Variants in CAST observed in about 807,000 individuals in gnomAD.
CAST encodes calpastatin.
CAST carries 76 observed loss-of-function variants against 119.6 expected under a neutral mutation model. The observed-to-expected ratio is 0.64, with a 90% confidence interval of 0.53 to 0.77. The LOEUF (loss-of-function observed/expected upper bound fraction) is 0.77. Ranked by LOEUF, CAST falls within the 30% of genes least tolerant of loss-of-function variation. The probability of loss-of-function intolerance (pLI) is 0.00; values close to 1 mark genes in which losing one functional copy is unlikely to be tolerated. For missense variants in CAST, 953 were observed against 946.5 expected, an observed-to-expected ratio of 1.01 and a Z score of -0.09; for synonymous variants, 319 against 331.6, an observed-to-expected ratio of 0.96 and a Z score of 0.41.
At chr5:96,007,014 G>A in the CAST span, among the ~76,000 whole-genome samples, 1 of 152,008 alleles carries the variant, frequency 6.6e-6, no homozygotes, top group African/African-American at 2.4e-5. Flanking sequence ...TTCATTTTTG[G>A]TATCACCCAT....
the CAST span, among the ~76,000 whole-genome samples, chr5:96,382,924 C>T: frequency 3.9e-5 from 6 of 152,270 alleles, no homozygotes; most frequent in African/African-American, 1.4e-4. Context: ...ATTTCCAAAG[C>T]ACATCATGGA....
chr5:96,745,654 T>C (rs1014800342), intron 16 of CAST, among the ~76,000 whole-genome samples: 1 of 152,240 alleles, frequency 6.6e-6, no homozygotes. Context: ...ATTGCAAGTG[T>C]TGTGTCCTAG....
intron 1 of CAST, among the ~76,000 whole-genome samples, chr5:96,534,728 AG>A (rs1745755355): frequency 5.9e-5 from 1 of 16,878 alleles, no homozygotes; most frequent in African/African-American, 1.9e-4. Flanking sequence ...AGAGAGAGAG[AG>A]AGAGAGAGAG....
chr5:96,225,895 ATTC>A, the CAST span, among the ~76,000 whole-genome samples: 2 of 152,016 alleles, frequency 1.3e-5, no homozygotes, highest in Admixed American at 6.5e-5. Context: ...CCGCCTCACC[ATTC>A]TTCTTCTCCT....
intron 1 of CAST, among the ~76,000 whole-genome samples, chr5:96,566,721 C>T (rs941057208): frequency 1.3e-5 from 2 of 152,134 alleles, no homozygotes; most frequent in Non-Finnish European, 2.9e-5. Flanking sequence ...TGCACACAAA[C>T]TACACATGAC....
the CAST span, among the ~76,000 whole-genome samples, chr5:96,458,440 G>A: frequency 2.7e-3 from 405 of 152,288 alleles, 2 homozygotes; most frequent in Admixed American, 5.0e-3. Flanking sequence ...TAAAATTTAA[G>A]GATGGAGGAG....
intron 27 of CAST, 136 bp from the exon 28 acceptor site, chr5:96,767,302 A>G (rs933577098): frequency 3.2e-6 from 2 of 630,090 alleles, no homozygotes; most frequent in Non-Finnish European, 5.6e-6. Flanking sequence ...GTGGGGACTC[A>G]GGTTTATTAG....
the CAST span, chr5:95,961,461 G>T: frequency 1.6e-6 from 2 of 1,260,634 alleles, no homozygotes; most frequent in Non-Finnish European, 2.0e-6. Flanking sequence ...CGCTGCGGGC[G>T]CTGACGGTAG....
At chr5:96,335,557 G>A in the CAST span, among the ~76,000 whole-genome samples, 1 of 152,038 alleles carries the variant, frequency 6.6e-6, no homozygotes, top group South Asian at 2.1e-4. Flanking sequence ...TCTCATTACT[G>A]ATACTCTTCT....
intron 22 of CAST, among the ~76,000 whole-genome samples, 180 bp from the exon 23 acceptor site, chr5:96,757,264 G>C (rs1423574221): frequency 2.0e-5 from 3 of 152,200 alleles, no homozygotes; most frequent in Non-Finnish European, 4.4e-5. Flanking sequence ...TGAGCTGTTT[G>C]TTGCCATGAA....
chr5:96,430,315 A>T, the CAST span, among the ~76,000 whole-genome samples: 1 of 152,224 alleles, frequency 6.6e-6, no homozygotes, highest in African/African-American at 2.4e-5. Flanking sequence ...CTGCATTTTT[A>T]AAATTAAGAA....
At chr5:96,435,948 C>A in the CAST span, among the ~76,000 whole-genome samples, 1 of 152,060 alleles carries the variant, frequency 6.6e-6, no homozygotes, top group Admixed American at 6.6e-5. Context: ...AACAATGTAC[C>A]CAATATTTAT....
At chr5:96,154,065 C>G in the CAST span, among the ~76,000 whole-genome samples, 4 of 151,988 alleles carry the variant, frequency 2.6e-5, no homozygotes, top group Non-Finnish European at 5.9e-5. Context: ...ATCACAAGGT[C>G]AGGAGATCGA....
chr5:96,749,111 T>C (rs1175381520), intron 19 of CAST, among the ~76,000 whole-genome samples: 10 of 152,240 alleles, frequency 6.6e-5, no homozygotes, highest in African/African-American at 2.4e-4. Flanking sequence ...ACAATAAGTA[T>C]GTGTGCATCC....
chr5:96,771,549 G>C (rs1287546125), intron 30 of CAST, 95 bp from the exon 31 acceptor site: 1 of 830,026 alleles, frequency 1.2e-6, no homozygotes, highest in African/African-American at 1.8e-5. Context: ...TTTCCCCACT[G>C]ACTGCCATCT....
chr5:96,321,644 A>G, the CAST span, among the ~76,000 whole-genome samples: 1 of 152,226 alleles, frequency 6.6e-6, no homozygotes, highest in Non-Finnish European at 1.5e-5. Context: ...ATAGGTAAGA[A>G]AACTGAGTCC....
chr5:96,264,347 A>G, the CAST span, among the ~76,000 whole-genome samples: 1,078 of 152,320 alleles, frequency 7.1e-3, 11 homozygotes, highest in African/African-American at 0.025. Context: ...CTTTATCACC[A>G]TACTTAATAA....
Position 96,742,751 on chromosome 5 carries a change from GAT to G in CAST, c.1196_1197del (p.Asp399GlyfsTer5). On this transcript the variant is annotated frameshift_variant, in exon 16 of 32. Coordinates refer to ENST00000675179, the MANE Select transcript of CAST (RefSeq NM_001750.7). LOFTEE classifies it high-confidence loss of function. Reference sequence around the variant, plus strand: ...CGACCTCCGCTCAATTAAGGAAGTCGATGAGGTACTGACCTTAGAGTTGATTT... The same window carrying G: ...CGACCTCCGCTCAATTAAGGAAGTCGGAGGTACTGACCTTAGAGTTGATTT... ...ELDLRSIKEV[D>X]EAKAKEEKLE... is the part of the protein sequence containing the mutation. 1 of 1,610,898 alleles carries G rather than the reference GAT, an allele frequency of 6.2e-7. No individual in the cohort carries two copies. The highest frequency in any genetic ancestry group is 8.5e-7 in the Non-Finnish European group (1 of 1,177,140).
chr5:96,483,749 T>C, the CAST span, among the ~76,000 whole-genome samples: 1 of 152,162 alleles, frequency 6.6e-6, no homozygotes, highest in East Asian at 1.9e-4. Context: ...TAAAAGAATA[T>C]AAAATAGCTC....
Sources: gnomAD v4.1 joint callset for allele counts (sites outside exome capture counted in the v4.1 genomes callset) on GRCh38, gnomAD v4.1.1 for gene constraint, MANE v1.5 for transcripts, NCBI Gene and HGNC (gene_info 2026-07-23, HGNC 2026-07-21) for gene names.